CHST11: variants seen among roughly 807,000 people sequenced by gnomAD.
CHST11 encodes carbohydrate sulfotransferase 11.
CHST11 carries 9 observed loss-of-function variants against 30.4 expected under a neutral mutation model. The observed-to-expected ratio is 0.30, with a 90% CI of 0.18 to 0.52. CHST11 has a LOEUF of 0.52. Among genes scored for constraint, CHST11 ranks in the 20% least tolerant of loss-of-function variants. The pLI, the probability that CHST11 is intolerant of heterozygous loss-of-function variation, is 0.97. For missense variants in CHST11, 348 were observed against 460.6 expected (o/e 0.76, Z 2.24); for synonymous variants, 152 against 187.8 (o/e 0.81, Z 1.56).
intron 2 of CHST11, among the ~76,000 whole-genome samples, chr12:104,680,157 A>G (rs1228088361): frequency 6.6e-6 from 1 of 152,232 alleles, no homozygotes; most frequent in Non-Finnish European, 1.5e-5. Context: ...CTCAAGGGGC[A>G]TACTTTCTGG....
chr12:104,570,445 T>A (rs541795009), intron 1 of CHST11, among the ~76,000 whole-genome samples: 4 of 152,070 alleles, frequency 2.6e-5, no homozygotes, highest in Non-Finnish European at 5.9e-5. Flanking sequence ...CGTGCCTTCT[T>A]GGTGTCCCAT....
At chr12:104,544,310 T>A (rs866546359) in intron 1 of CHST11, among the ~76,000 whole-genome samples, 3 of 152,064 alleles carry the variant, frequency 2.0e-5, no homozygotes, top group Non-Finnish European at 4.4e-5. Flanking sequence ...TAGTTAAGGA[T>A]AACTGAGAAA....
intron 2 of CHST11, among the ~76,000 whole-genome samples, chr12:104,706,009 G>C (rs886228468): frequency 1.3e-5 from 2 of 151,726 alleles, no homozygotes; most frequent in Non-Finnish European, 2.9e-5. Context: ...TTGCTTGAGT[G>C]CAGAAGTTTG....
At chr12:104,716,969 C>A (rs1164794416) in intron 2 of CHST11, among the ~76,000 whole-genome samples, 1 of 152,232 alleles carries the variant, frequency 6.6e-6, no homozygotes, top group African/African-American at 2.4e-5. Flanking sequence ...TGGCTCATGA[C>A]ATGCTTCCAT....
chr12:104,691,861 C>T (rs1030370155), intron 2 of CHST11, among the ~76,000 whole-genome samples: 1 of 152,162 alleles, frequency 6.6e-6, no homozygotes, highest in African/African-American at 2.4e-5. Context: ...CAACCAGCCT[C>T]ATGCAGACCA....
At chr12:104,616,160 G>A (rs933416952) in intron 2 of CHST11, among the ~76,000 whole-genome samples, 9 of 152,146 alleles carry the variant, frequency 5.9e-5, no homozygotes, top group African/African-American at 2.2e-4. Context: ...GAACTCCATC[G>A]TCTGCCGGAT....
At chr12:104,700,280 G>C (rs1023502975) in intron 2 of CHST11, among the ~76,000 whole-genome samples, 1 of 152,070 alleles carries the variant, frequency 6.6e-6, no homozygotes, top group African/African-American at 2.4e-5. Context: ...AATACTGATA[G>C]AATAAAATTT....
At chr12:104,506,781 G>T (rs1158404612) in intron 1 of CHST11, among the ~76,000 whole-genome samples, 1 of 152,186 alleles carries the variant, frequency 6.6e-6, no homozygotes. Flanking sequence ...ATTTTGGCAA[G>T]GGCTTGTGCT....
intron 1 of CHST11, among the ~76,000 whole-genome samples, chr12:104,481,661 G>A (rs1310391803): frequency 1.3e-5 from 2 of 152,018 alleles, no homozygotes; most frequent in Non-Finnish European, 1.5e-5. Context: ...TTTGGAGAGG[G>A]CTTTGGGGTT....
chr12:104,623,111 A>G (rs2039176029), intron 2 of CHST11, among the ~76,000 whole-genome samples: 1 of 152,210 alleles, frequency 6.6e-6, no homozygotes, highest in Admixed American at 6.5e-5. Flanking sequence ...CAGCCAAGAC[A>G]ATATGTAAAT....
chr12:104,527,322 G>T lies in CHST11; in HGVS notation c.118+69793G>T, dbSNP rs181015140. 1.6e-3 allele frequency among the ~76,000 whole-genome samples: 249 copies of T among 152,256 alleles called. 1 individual carries two copies. The highest frequency in any genetic ancestry group is 2.9e-3 in the Non-Finnish European group (194 of 68,008). The stretch of plus-strand genomic sequence containing the variant: ...GTACTTTATTTTGGCAGCCTGAGTG[G>T]ATTAATACACATGGCTACCTTGACC... On this transcript the variant is annotated intron_variant, in intron 1 of 2. Coordinates refer to ENST00000303694, the MANE Select transcript of CHST11 (RefSeq NM_018413.6).
At chr12:104,480,003 A>G (rs7313820) in intron 1 of CHST11, among the ~76,000 whole-genome samples, 40,337 of 151,866 alleles carry the variant, frequency 0.27, 5,996 homozygotes, top group East Asian at 0.48. Context: ...GGTAGTCTTC[A>G]TTCCGTGTGG....
At position 104,457,802 on chromosome 12, in the gene CHST11, T is replaced by TTTTC. The variant is rs1555225518; in HGVS notation, c.118+275_118+276insTCTT. 5.7e-5 allele frequency among the ~76,000 whole-genome samples: 8 copies of TTTTC among 139,490 alleles called. No homozygotes were observed. The East Asian group carries it at 6.4e-4, about 11-fold the overall frequency. 91.5% of individuals were successfully genotyped at this position (139,490 alleles called of 152,430 possible). ...GGGCGGTAGTTTTTTTTTTTTTTTT[T>TTTTC]TTCTTCTTCTTTTTTTCTTTGTGTC... On this transcript the variant is annotated intron_variant, in intron 1 of 2. Transcript: ENST00000303694.
intron 2 of CHST11, among the ~76,000 whole-genome samples, chr12:104,725,458 A>C (rs1462863544): frequency 6.6e-6 from 1 of 151,634 alleles, no homozygotes; most frequent in East Asian, 1.9e-4. Flanking sequence ...TCAATTACAC[A>C]GTTCTCAGGT....
chr12:104,518,172 C>T (rs1016693632), intron 1 of CHST11, among the ~76,000 whole-genome samples: 1 of 152,020 alleles, frequency 6.6e-6, no homozygotes, highest in South Asian at 2.1e-4. Flanking sequence ...CTGTAGTCCC[C>T]GCTACGTGGG....
intron 1 of CHST11, among the ~76,000 whole-genome samples, chr12:104,509,524 A>T (rs894027063): frequency 6.6e-6 from 1 of 152,230 alleles, no homozygotes; most frequent in African/African-American, 2.4e-5. Flanking sequence ...GTACCTTAAC[A>T]TCTAAGAGAA....
In CHST11 at chr12:104,736,886, C is replaced by A. The variant is rs1178748313; in HGVS notation, c.205-20063C>A. On this transcript the variant is annotated intron_variant, in intron 2 of 2. Transcript: ENST00000303694. ...TTTTGAAAGCATAGGAGAAATGCAT[C>A]CTTCTGCTGCATAAAGCATCTTCAT... is the stretch of plus-strand genomic sequence containing the variant. Among the ~76,000 whole-genome samples, 3 of 152,172 alleles carry A rather than the reference C, an allele frequency of 2.0e-5. 1 individual carries two copies. The highest frequency in any genetic ancestry group is 4.4e-5 in the Non-Finnish European group (3 of 68,026).
At chr12:104,500,162 A>G (rs906420932) in intron 1 of CHST11, among the ~76,000 whole-genome samples, 5 of 152,172 alleles carry the variant, frequency 3.3e-5, no homozygotes, top group African/African-American at 1.2e-4. Flanking sequence ...CTTCATCTCC[A>G]TAAAACGTTG....
chr12:104,491,363 C>T (rs1040560939), intron 1 of CHST11, among the ~76,000 whole-genome samples: 2 of 152,216 alleles, frequency 1.3e-5, no homozygotes, highest in African/African-American at 2.4e-5. Flanking sequence ...TAAAAGTTAT[C>T]TCCCTGTGCC....
Sources: gnomAD v4.1 joint callset for allele counts (sites outside exome capture counted in the v4.1 genomes callset) on GRCh38, gnomAD v4.1.1 for gene constraint, MANE v1.5 for transcripts, NCBI Gene and HGNC (gene_info 2026-07-23, HGNC 2026-07-21) for gene names.